The following ARVCF variants were observed in gnomAD, a reference collection of about 807,000 sequenced individuals.
ARVCF encodes the protein splicing regulator ARVCF.
Under a neutral mutation model 90.9 loss-of-function variants are expected in ARVCF, and 66 were observed. The observed-to-expected ratio is 0.73, with a 90% CI of 0.60 to 0.89. The LOEUF is 0.89. Among genes scored for constraint, ARVCF ranks in the 40% least tolerant of loss-of-function variants. ARVCF has a pLI of 0.00. For missense variants in ARVCF, 1,469 were observed against 1,382.3 expected (o/e 1.06, Z -1.00); for synonymous variants, 653 against 603.4 (o/e 1.08, Z -1.21).
chr22:19,991,247 T>C (rs776443409), intron 2 of ARVCF, among the ~76,000 whole-genome samples: 1 of 152,182 alleles, frequency 6.6e-6, no homozygotes, highest in Non-Finnish European at 1.5e-5. Context: ...TGGGGGACCA[T>C]TTGTAGCCAC....
Position 19,971,443 on chromosome 22 carries a change from G to T in ARVCF, c.2782-108C>A, listed in dbSNP as rs1942779273. The T allele has an allele frequency of 2.2e-6, 3 of 1,343,494 alleles. No individual in the cohort carries two copies. The South Asian group carries it at 4.4e-5, about 20-fold the overall frequency. 83.2% of individuals were successfully genotyped at this position (1,343,494 alleles called of 1,614,324 possible). ...AGGCTGGCGATGTAAGGGTTGGCCTGCCAGGACAGCACAGGTAGCACCAAG... is the reference window on the plus strand; with the variant it reads ...AGGCTGGCGATGTAAGGGTTGGCCTTCCAGGACAGCACAGGTAGCACCAAG... On this transcript the variant is annotated intron_variant, in intron 18 of 19. Transcript: ENST00000263207.
In ARVCF at chr22:20,005,332, G is replaced by A. The variant is rs568656677; in HGVS notation, c.-19+5123C>T. Among the ~76,000 whole-genome samples the A allele has an allele frequency of 5.3e-5, 8 of 150,408 alleles. No individual in the cohort carries two copies. In the South Asian group the frequency reaches 1.3e-3, roughly 24 times the overall value. On this transcript the variant is annotated intron_variant, in intron 2 of 19. Coordinates refer to ENST00000263207, the MANE Select transcript of ARVCF (RefSeq NM_001670.3). ...CATTAGGGAAGAGCAAATCAAGGCT[G>A]CAATGAAATATCACCTTACACCTAT...
intron 3 of ARVCF, among the ~76,000 whole-genome samples, chr22:19,983,039 C>T (rs753518889): frequency 2.5e-4 from 38 of 152,358 alleles, no homozygotes; most frequent in South Asian, 6.2e-4. Flanking sequence ...ACCCCTGCCG[C>T]GCTGAGTGGC....
Position 19,980,235 on chromosome 22 carries a change from C to G in ARVCF, c.904G>C (p.Glu302Gln). The G allele has an allele frequency of 6.5e-7, 1 of 1,528,234 alleles. No homozygotes were observed. Among genetic ancestry groups the G allele is most frequent in the Non-Finnish European group, 8.8e-7 (1 of 1,138,752 alleles). The allele number at this position is 1,528,234 out of a possible 1,614,324, so 94.7% of individuals were successfully genotyped here. A position where few individuals can be genotyped will look rare whatever the true frequency, so the allele number is the denominator to read the frequency against. The change falls in exon 6 of 20, where the codon GAG (glutamate) becomes CAG (glutamine). Residue 302 changes from glutamate (E) to glutamine (Q), a missense_variant. Coordinates refer to ENST00000263207, the MANE Select transcript of ARVCF (RefSeq NM_001670.3). ...CGRGLHTRAYEDTADDGGELA... is the reference protein window; with the variant it reads ...CGRGLHTRAYQDTADDGGELA... ...TCGCCGCCATCATCTGCTGTGTCCT[C>G]GTAGGCCCTGCACAGGCAAGTGGGG...
chr22:19,979,990 C>T lies in ARVCF; in HGVS notation c.1149G>A (p.Gln383=), dbSNP rs1943395758. The T allele has an allele frequency of 1.3e-6, 2 of 1,595,874 alleles. No individual in the cohort carries two copies. Among genetic ancestry groups the T allele is most frequent in the Admixed American group, 1.7e-5 (1 of 57,476 alleles). ...PVKANAAAYL[Q]HLCFENEGVK... ...CACCCTCGTTCTCAAAGCACAGATG[C>T]TGCAGGTAGGCGGCCGCATTGGCCT... is the stretch of plus-strand genomic sequence containing the variant. The change falls in exon 6 of 20, where the codon CAG becomes CAA. Residue 383 remains glutamine (Q), a synonymous_variant. Coordinates refer to ENST00000263207, the MANE Select transcript of ARVCF (RefSeq NM_001670.3).
chr22:19,973,386 C>T (rs1404235490), intron 13 of ARVCF, 69 bp from the exon 14 acceptor site: 13 of 1,494,910 alleles, frequency 8.7e-6, no homozygotes, highest in Non-Finnish European at 1.1e-5. Flanking sequence ...AGGGATCCCG[C>T]GAGGGCGAGG....
chr22:19,974,350 G>A, intron 11 of ARVCF, 111 bp from the exon 12 acceptor site: 1 of 1,275,036 alleles, frequency 7.8e-7, no homozygotes, highest in Non-Finnish European at 1.0e-6. Context: ...CTGGGGCCAG[G>A]GATGGGTGTG....
chr22:19,984,122 G>A (rs903850195), intron 3 of ARVCF, among the ~76,000 whole-genome samples: 2 of 152,200 alleles, frequency 1.3e-5, no homozygotes, highest in African/African-American at 4.8e-5. Flanking sequence ...CAAGACTGAG[G>A]AAACGTTACC....
chr22:19,975,588 G>A (rs1309692698), intron 11 of ARVCF, 98 bp downstream of exon 11: 1 of 1,379,820 alleles, frequency 7.2e-7, no homozygotes, highest in East Asian at 2.3e-5. Context: ...GTTCCCTGAG[G>A]CCCTCCAGGC....
At position 19,971,291 on chromosome 22, in the gene ARVCF, G is replaced by A. The variant is rs200872144; in HGVS notation, c.2826C>T (p.Pro942=). The part of the protein sequence containing the change: ...RKAPPPGPSR[P]AVRLVDAVGD... ...CTACGGCGTCCACCAGCCTGACCGC[G>A]GGCCTGCTGGGCCCGGGGGGAGGGG... The change falls in exon 19 of 20, where the codon CCC becomes CCT. Residue 942 remains proline, a synonymous_variant. Coordinates refer to ENST00000263207, the MANE Select transcript of ARVCF (RefSeq NM_001670.3). The A allele has an allele frequency of 6.1e-4, 948 of 1,556,418 alleles. No homozygotes were observed. The highest frequency in any genetic ancestry group is 9.2e-4 in the Admixed American group (48 of 51,918).
At chr22:19,972,607 G>C in intron 16 of ARVCF, 130 bp downstream of exon 16, 1 of 1,174,542 alleles carries the variant, frequency 8.5e-7, no homozygotes, top group Non-Finnish European at 1.2e-6. Flanking sequence ...AGAGGCAGAG[G>C]GCAGGGAAAG....
In ARVCF at chr22:19,980,192, G is replaced by A; in HGVS notation, c.947C>T (p.Pro316Leu). The change falls in exon 6 of 20, where the codon CCT becomes CTT. Residue 316 changes from proline to leucine, a missense_variant. Coordinates refer to ENST00000263207, the MANE Select transcript of ARVCF (RefSeq NM_001670.3). Reference sequence around the variant, plus strand: ...GGGCGCCGTCACCATTGGGAACGCAGGCCGCTCGTCCGCCAGCTCGCCGCC... The same window carrying A: ...GGGCGCCGTCACCATTGGGAACGCAAGCCGCTCGTCCGCCAGCTCGCCGCC... ...DDGGELADER[P>L]AFPMVTAPLA... 1.3e-6 allele frequency: 2 copies of A among 1,559,286 alleles called. No individual in the cohort carries two copies. Among genetic ancestry groups the A allele is most frequent in the Non-Finnish European group, 1.7e-6 (2 of 1,153,402 alleles).
chr22:19,966,450 AAAAAAG>A (rs1251279941), downstream of ARVCF, among the ~76,000 whole-genome samples: 1 of 151,390 alleles, frequency 6.6e-6, no homozygotes, highest in Non-Finnish European at 1.5e-5. Context: ...AAAAAAAAAA[AAAAAAG>A]AAAAAGACAG....
At chr22:20,005,354 C>A (rs1311878619) in intron 2 of ARVCF, among the ~76,000 whole-genome samples, 4 of 150,030 alleles carry the variant, frequency 2.7e-5, no homozygotes, top group African/African-American at 9.8e-5. Flanking sequence ...CACCTTACAC[C>A]TATTAGGATG....
At chr22:19,969,066 T>C (rs1942597471), downstream of ARVCF, 1 of 251,390 alleles carries the variant, frequency 4.0e-6, no homozygotes, top group Non-Finnish European at 7.9e-6. Context: ...GCCATTCCCC[T>C]GCTGCCCTTG....
chr22:19,997,748 G>A (rs1944304485), intron 2 of ARVCF, among the ~76,000 whole-genome samples: 3 of 152,210 alleles, frequency 2.0e-5, no homozygotes, highest in Non-Finnish European at 4.4e-5. Flanking sequence ...TGCACACTCA[G>A]CCCACCCACT....
In ARVCF at chr22:19,979,863, T is replaced by C. The variant is rs896353615; in HGVS notation, c.1276A>G (p.Asn426Asp). 1 of 1,608,826 alleles carries C rather than the reference T, an allele frequency of 6.2e-7. No individual in the cohort carries two copies. The highest frequency in any genetic ancestry group is 1.3e-5 in the African/African-American group (1 of 74,866). ...TCAGTGTCGCGGCCATAGGAGAGGT[T>C]GCGCAGTGCCCCACAGGCCCGGCGC... ...VRRRACGALR[N>D]LSYGRDTDNK... The change falls in exon 6 of 20, where the codon AAC becomes GAC. Residue 426 changes from asparagine (N) to aspartate (D), a missense_variant. Physicochemically the swap from Asn to Asp is conservative, Grantham distance 23. Transcript: ENST00000263207.
chr22:19,994,916 G>C lies in ARVCF; in HGVS notation c.-18-4104C>G, dbSNP rs562033301. 7.4e-4 allele frequency among the ~76,000 whole-genome samples: 112 copies of C among 151,416 alleles called. 2 individuals carry two copies. In the South Asian group the frequency reaches 0.022, roughly 29 times the overall value. On this transcript the variant is annotated intron_variant, in intron 2 of 19. Transcript: ENST00000263207. Reference sequence around the variant, plus strand: ...GATGGATGAACGTATGGATGGATGGGGGGGGATGGTGGAGGATGGACAGAC... The same window carrying C: ...GATGGATGAACGTATGGATGGATGGCGGGGGATGGTGGAGGATGGACAGAC...
chr22:19,993,260 AC>A (rs1290177268), intron 2 of ARVCF, among the ~76,000 whole-genome samples: 1 of 152,218 alleles, frequency 6.6e-6, no homozygotes, highest in Non-Finnish European at 1.5e-5. Context: ...CACTCCCCTG[AC>A]ATGGTGGACT....
Sources: allele counts gnomAD v4.1 joint callset (sites outside exome capture counted in the v4.1 genomes callset), GRCh38; gene constraint gnomAD v4.1.1; transcripts MANE v1.5; gene names NCBI Gene and HGNC (gene_info 2026-07-23, HGNC 2026-07-21).